ARB2A: variants seen among roughly 807,000 people sequenced by gnomAD.
The protein encoded by ARB2A is cotranscriptional regulator ARB2A.
the ARB2A span, among the ~76,000 whole-genome samples, chr5:93,878,196 C>T: frequency 1.3e-5 from 2 of 148,954 alleles, no homozygotes; most frequent in South Asian, 2.1e-4. Context: ...AAGCTGTATA[C>T]TTTAATAATG....
chr5:94,059,878 T>C, the ARB2A span, among the ~76,000 whole-genome samples: 1 of 151,148 alleles, frequency 6.6e-6, no homozygotes, highest in African/African-American at 2.4e-5. Flanking sequence ...CAAAAGAAAA[T>C]GGTAAGAAAA....
the ARB2A span, among the ~76,000 whole-genome samples, chr5:93,681,176 A>C: frequency 1.3e-5 from 2 of 152,168 alleles, no homozygotes; most frequent in African/African-American, 4.8e-5. Context: ...TTGAGCTCTC[A>C]GAATTACTAT....
chr5:93,969,914 A>G, the ARB2A span, among the ~76,000 whole-genome samples: 1 of 152,078 alleles, frequency 6.6e-6, no homozygotes, highest in Non-Finnish European at 1.5e-5. Flanking sequence ...GAAGCCTCCT[A>G]GAAGGTACTA....
the ARB2A span, among the ~76,000 whole-genome samples, chr5:93,694,444 A>G: frequency 6.6e-6 from 1 of 152,178 alleles, no homozygotes; most frequent in African/African-American, 2.4e-5. Flanking sequence ...CACAATTGCA[A>G]CTAAGAGAAT....
At chr5:93,631,819 G>C in the ARB2A span, among the ~76,000 whole-genome samples, 6 of 151,380 alleles carry the variant, frequency 4.0e-5, no homozygotes, top group Non-Finnish European at 5.9e-5. Context: ...GAGAGGGGAG[G>C]GGGGAGAGAG....
the ARB2A span, among the ~76,000 whole-genome samples, chr5:93,922,640 AAGGGAGGGAGGGAGGGAGGGAGGAAGGG>A: frequency 2.9e-5 from 2 of 69,178 alleles, no homozygotes; most frequent in Non-Finnish European, 5.2e-5. Flanking sequence ...AAAAGAAAGA[AAGGGAGGGAGGGAGGGAGGGAGGAAGGG>A]AGGGAGGGAG....
chr5:93,655,134 C>G, the ARB2A span, among the ~76,000 whole-genome samples: 6 of 152,152 alleles, frequency 3.9e-5, no homozygotes, highest in Non-Finnish European at 8.8e-5. Context: ...TTCTTGAGGA[C>G]TCTATGAGAT....
the ARB2A span, among the ~76,000 whole-genome samples, chr5:93,896,158 G>A: frequency 6.6e-6 from 1 of 152,122 alleles, no homozygotes; most frequent in East Asian, 1.9e-4. Flanking sequence ...AATTATGGCT[G>A]CCCTAAAAAT....
chr5:93,910,562 A>G, the ARB2A span: 1 of 151,522 alleles, frequency 6.6e-6, no homozygotes, highest in Admixed American at 6.6e-5. Context: ...TTTAGTAACA[A>G]AAGATTTTAA....
the ARB2A span, among the ~76,000 whole-genome samples, chr5:93,849,743 T>C: frequency 1.3e-5 from 2 of 152,174 alleles, no homozygotes; most frequent in South Asian, 4.1e-4. Flanking sequence ...TTTTTCTTCC[T>C]ATTGCTATGA....
the ARB2A span, among the ~76,000 whole-genome samples, chr5:93,726,495 G>C: frequency 6.6e-6 from 1 of 151,952 alleles, no homozygotes. Context: ...TAGGTACTCT[G>C]CCTGTTTGTT....
the ARB2A span, among the ~76,000 whole-genome samples, chr5:93,627,438 G>GTTTT: frequency 0.025 from 2,707 of 107,580 alleles, 147 homozygotes; most frequent in African/African-American, 0.1. Flanking sequence ...TACAAAATGT[G>GTTTT]TTTTGTTTTT....
chr5:94,053,881 A>G, the ARB2A span, among the ~76,000 whole-genome samples: 3 of 152,008 alleles, frequency 2.0e-5, no homozygotes, highest in Non-Finnish European at 2.9e-5. Context: ...TGATCCTCCC[A>G]CCTCAGCCTT....
the ARB2A span, among the ~76,000 whole-genome samples, chr5:93,813,035 C>A: frequency 1.3e-5 from 2 of 152,124 alleles, no homozygotes; most frequent in African/African-American, 2.4e-5. Context: ...TGGCTATAGG[C>A]AAACCAAGAA....
chr5:93,971,001 C>CT, the ARB2A span, among the ~76,000 whole-genome samples: 6 of 147,556 alleles, frequency 4.1e-5, no homozygotes, highest in South Asian at 2.2e-4. Flanking sequence ...TAAACTTTCG[C>CT]TTTTTTTTTT....
the ARB2A span, among the ~76,000 whole-genome samples, chr5:93,967,042 C>T: frequency 6.6e-6 from 1 of 151,764 alleles, no homozygotes; most frequent in South Asian, 2.1e-4. Flanking sequence ...TTTCTAATTG[C>T]TAAATCAAGG....
At chr5:94,053,607 TTATAAA>T in the ARB2A span, among the ~76,000 whole-genome samples, 6 of 152,104 alleles carry the variant, frequency 3.9e-5, no homozygotes, top group South Asian at 2.1e-4. Flanking sequence ...ATAAAGAAAC[TTATAAA>T]TGTAAATAGT....
the ARB2A span, among the ~76,000 whole-genome samples, chr5:93,676,460 C>G: frequency 6.6e-6 from 1 of 152,110 alleles, no homozygotes; most frequent in Non-Finnish European, 1.5e-5. Context: ...GTCCACTGAA[C>G]GTATGAATGA....
At chr5:93,751,288 A>G in the ARB2A span, among the ~76,000 whole-genome samples, 3 of 152,212 alleles carry the variant, frequency 2.0e-5, no homozygotes, top group African/African-American at 7.2e-5. Context: ...ACTAGCTGGT[A>G]TAAGATGTTT....
Sources: gnomAD v4.1 joint callset for allele counts (sites outside exome capture counted in the v4.1 genomes callset) on GRCh38, gnomAD v4.1.1 for gene constraint, MANE v1.5 for transcripts, NCBI Gene and HGNC (gene_info 2026-07-23, HGNC 2026-07-21) for gene names.